Variants in POLE2 observed in about 807,000 individuals in gnomAD.
POLE2 encodes DNA polymerase epsilon 2, accessory subunit.
POLE2 carries 56 observed loss-of-function variants against 79.4 expected under a neutral mutation model. That is an observed-to-expected ratio of 0.71 (90% CI 0.57 to 0.88). The LOEUF is 0.88. POLE2 is among the 40% of genes least tolerant of loss of function. POLE2 has a pLI of 0.00. For synonymous variants in POLE2, 212 were observed against 214.0 expected, an observed-to-expected ratio of 0.99 and a Z score of 0.08; for missense variants, 598 against 638.9, an observed-to-expected ratio of 0.94 and a Z score of 0.69.
chr14:49,645,977 TAA>T (rs2139598575), intron 18 of POLE2, among the ~76,000 whole-genome samples: 1 of 152,266 alleles, frequency 6.6e-6, no homozygotes, highest in Admixed American at 6.5e-5. Context: ...GTTATTTCAG[TAA>T]AAGACATTCT....
At chr14:49,647,497 C>T (rs915587634) in intron 17 of POLE2, 137 bp from the exon 18 acceptor site, 19 of 286,808 alleles carry the variant, frequency 6.6e-5, no homozygotes, top group Middle Eastern at 1.1e-3. Flanking sequence ...TCACTCTCAT[C>T]ACCCAGGCTG....
At chr14:49,683,568 G>T in intron 2 of POLE2, 25 bp downstream of exon 2, 1 of 1,010,274 alleles carries the variant, frequency 9.9e-7, no homozygotes, top group Non-Finnish European at 1.6e-6. Context: ...TAACAATTTA[G>T]GAGTTATCAG....
rs34418737 is a variant in POLE2 at position 49,675,088 on chromosome 14, AT to A, written c.246-662del. The stretch of plus-strand genomic sequence containing the variant: ...ATGTACTACTCTTATGAGCTACAGT[AT>A]TTTTTTTTTTTTGAGACAGAGTTTC... On this transcript the variant is annotated intron_variant, in intron 3 of 18. Coordinates refer to ENST00000216367, the MANE Select transcript of POLE2 (RefSeq NM_002692.4). Among the ~76,000 whole-genome samples, 392 of 146,772 alleles carry A rather than the reference AT, an allele frequency of 2.7e-3. 1 individual carries two copies. Among genetic ancestry groups the A allele is most frequent in the Middle Eastern group, 0.011 (3 of 278 alleles).
intron 3 of POLE2, chr14:49,677,791 G>T: frequency 1.3e-6 from 1 of 758,326 alleles, no homozygotes; most frequent in South Asian, 2.7e-5. Flanking sequence ...TGGCCTCAAT[G>T]ATGACTGTGG....
chr14:49,675,375 C>T (rs1007796726), intron 3 of POLE2, among the ~76,000 whole-genome samples: 8 of 151,068 alleles, frequency 5.3e-5, no homozygotes, highest in African/African-American at 9.7e-5. Flanking sequence ...TGAGCCACTG[C>T]GCCCGGCCAT....
intron 18 of POLE2, among the ~76,000 whole-genome samples, chr14:49,646,300 TG>T (rs1468978262): frequency 3.7e-5 from 5 of 133,370 alleles, no homozygotes; most frequent in African/African-American, 1.4e-4. Context: ...GTTTTTTTGT[TG>T]GTTTTTTTTT....
intron 6 of POLE2, among the ~76,000 whole-genome samples, chr14:49,667,120 G>A (rs527497193): frequency 6.6e-6 from 1 of 151,900 alleles, no homozygotes; most frequent in African/African-American, 2.4e-5. Flanking sequence ...CCCGGGAGGC[G>A]GAGCTTGCAG....
At chr14:49,675,780 G>C (rs933099107) in intron 3 of POLE2, among the ~76,000 whole-genome samples, 1 of 143,610 alleles carries the variant, frequency 7.0e-6, no homozygotes, top group Admixed American at 7.0e-5. Context: ...CTGAGATGGA[G>C]TCTAGTTCTG....
At chr14:49,669,352 G>C (rs933211095) in intron 6 of POLE2, among the ~76,000 whole-genome samples, 172 bp downstream of exon 6, 1 of 152,154 alleles carries the variant, frequency 6.6e-6, no homozygotes, top group Non-Finnish European at 1.5e-5. Flanking sequence ...GAGATTTGTG[G>C]GACACAGGAC....
intron 17 of POLE2, among the ~76,000 whole-genome samples, chr14:49,649,137 CTTTTTTTTTTTTTTTTT>C (rs374201091): frequency 9.2e-6 from 1 of 108,786 alleles, no homozygotes; most frequent in African/African-American, 4.1e-5. Context: ...ATTTCTTTCC[CTTTTTTTTTTTTTTTTT>C]TTTTTTTTTT....
rs1373991966 is a variant in POLE2, at chr14:49,682,640, G to GGAAAAAAAAAAAA, written c.169+952_169+953insTTTTTTTTTTTTC. 5.1e-4 allele frequency among the ~76,000 whole-genome samples: 31 copies of GGAAAAAAAAAAAA among 60,980 alleles called. 2 individuals carry two copies. Among genetic ancestry groups the GGAAAAAAAAAAAA allele is most frequent in the African/African-American group, 1.7e-3 (30 of 17,448 alleles). 40.0% of individuals were successfully genotyped at this position (60,980 alleles called of 152,430 possible). On this transcript the variant is annotated intron_variant, in intron 2 of 18. Coordinates refer to ENST00000216367, the MANE Select transcript of POLE2 (RefSeq NM_002692.4). ...CGACAGTGCAAGACTCCTTCTCAGG[G>GGAAAAAAAAAAAA]AAAAAAAAAAAAAAAAAAAAAAAAA...
chr14:49,648,328 G>C (rs566967361), intron 17 of POLE2, among the ~76,000 whole-genome samples: 1 of 152,128 alleles, frequency 6.6e-6, no homozygotes, highest in Non-Finnish European at 1.5e-5. Flanking sequence ...TTGCCCAAAA[G>C]GTATAAATAA....
intron 1 of POLE2, among the ~76,000 whole-genome samples, chr14:49,687,920 G>A (rs1027584340): frequency 4.6e-5 from 7 of 152,042 alleles, no homozygotes; most frequent in Non-Finnish European, 7.4e-5. Context: ...GGATGGTCTC[G>A]ATCTCCTGAC....
At chr14:49,646,007 T>C (rs1047433332) in intron 18 of POLE2, among the ~76,000 whole-genome samples, 15 of 152,164 alleles carry the variant, frequency 9.9e-5, no homozygotes, top group African/African-American at 3.6e-4. Flanking sequence ...GATAAGACTG[T>C]ATGCTCCAGG....
chr14:49,662,082 A>G (rs1885137238), intron 10 of POLE2, among the ~76,000 whole-genome samples: 1 of 152,206 alleles, frequency 6.6e-6, no homozygotes, highest in East Asian at 1.9e-4. Flanking sequence ...GAAACTTACC[A>G]TATTGGAAAA....
intron 6 of POLE2, among the ~76,000 whole-genome samples, chr14:49,667,346 A>G (rs1885561208): frequency 6.6e-6 from 1 of 152,150 alleles, no homozygotes; most frequent in South Asian, 2.1e-4. Flanking sequence ...AACTAATTGA[A>G]GTTAATATTA....
rs1436177219 is a variant in POLE2 at position 49,649,136 on chromosome 14, CCTTT to C, written c.1497+1125_1497+1128del. 6.9e-4 allele frequency among the ~76,000 whole-genome samples: 98 copies of C among 141,738 alleles called. 1 individual carries two copies. Among genetic ancestry groups the C allele is most frequent in the African/African-American group, 2.4e-3 (91 of 37,470 alleles). 93.0% of individuals were successfully genotyped at this position (141,738 alleles called of 152,430 possible). On this transcript the variant is annotated intron_variant, in intron 17 of 18. Coordinates refer to ENST00000216367, the MANE Select transcript of POLE2 (RefSeq NM_002692.4). ...TCAAAAAGTCAATTATATTTCTTTC[CCTTT>C]TTTTTTTTTTTTTTTTTTTTTTTTG...
At chr14:49,650,922 C>G (rs986638114) in intron 16 of POLE2, among the ~76,000 whole-genome samples, 3 of 152,040 alleles carry the variant, frequency 2.0e-5, no homozygotes, top group Non-Finnish European at 4.4e-5. Flanking sequence ...TATGGACATA[C>G]TATATAAAAT....
chr14:49,644,164 G>A (rs1239029852), intron 18 of POLE2, among the ~76,000 whole-genome samples: 1 of 150,344 alleles, frequency 6.7e-6, no homozygotes, highest in Non-Finnish European at 1.5e-5. Context: ...TTAGAGGCAT[G>A]AGCCACCGCG....
Sources: gnomAD v4.1 joint callset for allele counts (sites outside exome capture counted in the v4.1 genomes callset) on GRCh38, gnomAD v4.1.1 for gene constraint, MANE v1.5 for transcripts, NCBI Gene and HGNC (gene_info 2026-07-23, HGNC 2026-07-21) for gene names.